The following ADGRL2 variants were observed in gnomAD, a reference collection of about 807,000 sequenced individuals.
The protein encoded by ADGRL2 is adhesion G protein-coupled receptor L2, also known as calcium-independent alpha-latrotoxin receptor 2.
Under a neutral mutation model 157.4 loss-of-function variants are expected in ADGRL2, and 44 were observed. That is an observed-to-expected ratio of 0.28 (90% CI 0.22 to 0.36). ADGRL2 has a LOEUF of 0.36. Among genes scored for constraint, ADGRL2 ranks in the 10% least tolerant of loss-of-function variants. ADGRL2 has a pLI of 1.00. For synonymous variants in ADGRL2, 585 were observed against 624.7 expected (o/e 0.94, Z 0.95); for missense variants, 1,510 against 1,768.9 (o/e 0.85, Z 2.63).
intron 2 of ADGRL2, among the ~76,000 whole-genome samples, chr1:81,482,261 A>G (rs2078404968): frequency 6.6e-6 from 1 of 152,240 alleles, no homozygotes; most frequent in African/African-American, 2.4e-5. Context: ...GAAAGTTTGA[A>G]TAAAGCACCG....
chr1:81,985,338 C>T lies in ADGRL2; in HGVS notation c.3491C>T (p.Thr1164Ile). Reference protein sequence around the residue: ...SSFISGDINSTSTLNQGMTGN... With the variant: ...SSFISGDINSISTLNQGMTGN... ...TTTATCTCAGGTGACATCAATAGCACTTCAACACTTAATCAAGGTCAGTTA... is the reference window on the plus strand; with the variant it reads ...TTTATCTCAGGTGACATCAATAGCATTTCAACACTTAATCAAGGTCAGTTA... The change falls in exon 21 of 24, where the codon ACT becomes ATT. Residue 1164 changes from threonine to isoleucine, a missense_variant. This residue lies in a region of ADGRL2 where 497 missense variants were observed against 627.2 expected (regional missense o/e 0.79). Transcript: ENST00000686636. 1 of 1,596,448 alleles carries T rather than the reference C, an allele frequency of 6.3e-7. No individual in the cohort carries two copies. Among genetic ancestry groups the T allele is most frequent in the South Asian group, 1.1e-5 (1 of 89,568 alleles).
rs757239865 is a variant in ADGRL2 at position 81,356,952 on chromosome 1, C to CAAAAAAAAAAAAAAAAAAAAAA, written c.-302+50464_-302+50465insAAAAAAAAAAAAAAAAAAAAAA. On this transcript the variant is annotated intron_variant, in intron 1 of 24. Transcript: ENST00000370721. The stretch of plus-strand genomic sequence containing the variant: ...TGGGGGACAAAATGAGACTCCGTCT[C>CAAAAAAAAAAAAAAAAAAAAAA]AAAAAAAAAAAAAAAAAAAAAGAAG... 6.8e-4 allele frequency among the ~76,000 whole-genome samples: 38 copies of CAAAAAAAAAAAAAAAAAAAAAA among 55,668 alleles called. 1 individual carries two copies. The highest frequency in any genetic ancestry group is 2.1e-3 in the African/African-American group (28 of 13,594). 36.5% of individuals were successfully genotyped at this position (55,668 alleles called of 152,430 possible).
At chr1:81,505,818 A>G (rs888017849) in intron 2 of ADGRL2, among the ~76,000 whole-genome samples, 2 of 151,838 alleles carry the variant, frequency 1.3e-5, no homozygotes, top group East Asian at 3.9e-4. Context: ...AAAAAAAAGC[A>G]CGTTTTTACT....
chr1:81,759,411 T>A (rs1459937500), intron 1 of ADGRL2, among the ~76,000 whole-genome samples: 1 of 152,114 alleles, frequency 6.6e-6, no homozygotes. Context: ...AGAGCTTAGA[T>A]CACTTTGCTT....
At chr1:81,814,931 A>G (rs12138562) in intron 1 of ADGRL2, among the ~76,000 whole-genome samples, 11,182 of 151,752 alleles carry the variant, frequency 0.074, 511 homozygotes, top group South Asian at 0.16. Context: ...ATTTAAACAC[A>G]GTAGCATTAC....
At chr1:81,793,368 C>A (rs906389296) in intron 2 of ADGRL2, among the ~76,000 whole-genome samples, 1 of 152,068 alleles carries the variant, frequency 6.6e-6, no homozygotes, top group Non-Finnish European at 1.5e-5. Context: ...AAAACCAGAT[C>A]AGGTTATTGT....
intron 1 of ADGRL2, among the ~76,000 whole-genome samples, chr1:81,742,186 G>C (rs866007908): frequency 2.7e-4 from 41 of 151,918 alleles, no homozygotes; most frequent in African/African-American, 8.7e-4. Flanking sequence ...ACTGGGAATA[G>C]TATGTTTCCT....
chr1:81,958,131 C>CTTTTGTATTTTTAGTAAAT (rs1411833863), intron 11 of ADGRL2, among the ~76,000 whole-genome samples: 1 of 151,898 alleles, frequency 6.6e-6, no homozygotes, highest in African/African-American at 2.4e-5. Flanking sequence ...GTGGGGGGTG[C>CTTTTGTATTTTTAGTAAAT]CTGTAATCCC....
chr1:81,816,997 G>A (rs2090469965), intron 1 of ADGRL2, among the ~76,000 whole-genome samples: 1 of 149,986 alleles, frequency 6.7e-6, no homozygotes, highest in Non-Finnish European at 1.5e-5. Flanking sequence ...GGGGGTACAA[G>A]CACAGCCTTT....
At chr1:81,693,761 C>T (rs2083388501) in intron 3 of ADGRL2, among the ~76,000 whole-genome samples, 1 of 152,130 alleles carries the variant, frequency 6.6e-6, no homozygotes, top group African/African-American at 2.4e-5. Flanking sequence ...CCAGAGAAGA[C>T]AATACTCTGT....
At chr1:81,878,832 A>C (rs777946444) in intron 2 of ADGRL2, among the ~76,000 whole-genome samples, 3 of 152,178 alleles carry the variant, frequency 2.0e-5, no homozygotes, top group Non-Finnish European at 2.9e-5. Context: ...CACACTAAGA[A>C]TATTTCTTTT....
chr1:81,640,514 C>A (rs868624110), intron 3 of ADGRL2, among the ~76,000 whole-genome samples: 10 of 151,960 alleles, frequency 6.6e-5, no homozygotes, highest in South Asian at 6.2e-4. Context: ...TGCCTGTAGT[C>A]CCAGCTACTT....
chr1:81,879,501 CT>C (rs1211543226), intron 2 of ADGRL2, among the ~76,000 whole-genome samples: 5 of 132,120 alleles, frequency 3.8e-5, no homozygotes, highest in Non-Finnish European at 7.8e-5. Flanking sequence ...TGATGAATTA[CT>C]TAACCCAGAA....
At chr1:81,691,516 G>A (rs1371597256) in intron 3 of ADGRL2, among the ~76,000 whole-genome samples, 1 of 147,566 alleles carries the variant, frequency 6.8e-6, no homozygotes, top group African/African-American at 2.5e-5. Flanking sequence ...TTTTTTTTTT[G>A]AGACGGAGTT....
chr1:81,311,133 G>A (rs1331290493), intron 1 of ADGRL2, among the ~76,000 whole-genome samples: 1 of 152,112 alleles, frequency 6.6e-6, no homozygotes, highest in Non-Finnish European at 1.5e-5. Flanking sequence ...AGTTTAGACT[G>A]GACAGTTAAC....
At chr1:81,915,543 T>C (rs1370407898) in intron 3 of ADGRL2, among the ~76,000 whole-genome samples, 3 of 152,196 alleles carry the variant, frequency 2.0e-5, no homozygotes, top group Admixed American at 6.5e-5. Flanking sequence ...ACCAGAGTAT[T>C]TTCCATAAGG....
intron 3 of ADGRL2, among the ~76,000 whole-genome samples, chr1:81,650,644 C>T (rs1340368023): frequency 2.0e-5 from 3 of 151,170 alleles, no homozygotes; most frequent in East Asian, 3.9e-4. Context: ...TTAAATGTGA[C>T]GATCAAGCCC....
At chr1:81,451,828 T>C (rs1420189462) in intron 2 of ADGRL2, among the ~76,000 whole-genome samples, 4 of 152,216 alleles carry the variant, frequency 2.6e-5, no homozygotes, top group African/African-American at 7.2e-5. Flanking sequence ...CACTCTATTT[T>C]ATCTCATAAA....
intron 1 of ADGRL2, among the ~76,000 whole-genome samples, chr1:81,720,795 C>T (rs1459640028): frequency 6.6e-6 from 1 of 151,508 alleles, no homozygotes; most frequent in Non-Finnish European, 1.5e-5. Flanking sequence ...TATTATATAA[C>T]ACCTATATAT....
Sources: gnomAD v4.1 joint callset for allele counts (sites outside exome capture counted in the v4.1 genomes callset) on GRCh38, gnomAD v4.1.1 for gene constraint, gnomAD v4.1.1 regional missense constraint, MANE v1.5 for transcripts, NCBI Gene and HGNC (gene_info 2026-07-23, HGNC 2026-07-21) for gene names.